Variants in SLC16A9 observed in about 807,000 individuals in gnomAD.
SLC16A9 encodes monocarboxylate transporter 9.
In SLC16A9, 26 loss-of-function variants were observed where a neutral mutation model predicts 44.3. The ratio of observed to expected loss-of-function variants is 0.59; its 90% CI spans 0.43 to 0.81. The LOEUF (loss-of-function observed/expected upper bound fraction) is 0.81. Ranked by LOEUF, SLC16A9 falls within the 40% of genes least tolerant of loss-of-function variation. SLC16A9 has a pLI of 0.00. For missense variants in SLC16A9, 559 were observed against 595.8 expected (o/e 0.94, Z 0.64); for synonymous variants, 230 against 225.1 (o/e 1.02, Z -0.19).
At chr10:59,706,089 A>C (rs910111498) in intron 1 of SLC16A9, among the ~76,000 whole-genome samples, 5 of 152,100 alleles carry the variant, frequency 3.3e-5, no homozygotes, top group African/African-American at 1.2e-4. Context: ...CACCCACCCC[A>C]CAACTTTTCT....
At chr10:59,666,818 C>T (rs1353196840) in intron 3 of SLC16A9, among the ~76,000 whole-genome samples, 1 of 149,102 alleles carries the variant, frequency 6.7e-6, no homozygotes, top group African/African-American at 2.5e-5. Context: ...TGAACCAACG[C>T]TGGGAAACAA....
At chr10:59,663,143 T>C (rs1336820349) in intron 4 of SLC16A9, among the ~76,000 whole-genome samples, 1 of 152,108 alleles carries the variant, frequency 6.6e-6, no homozygotes, top group Non-Finnish European at 1.5e-5. Context: ...GCAGATCATC[T>C]GAGGTTGGGA....
intron 4 of SLC16A9, among the ~76,000 whole-genome samples, chr10:59,657,733 G>A (rs1199471746): frequency 6.6e-6 from 1 of 152,150 alleles, no homozygotes; most frequent in East Asian, 1.9e-4. Context: ...GCTAACACTT[G>A]AGAGCCCCTG....
intron 1 of SLC16A9, among the ~76,000 whole-genome samples, chr10:59,703,646 T>C (rs1228171089): frequency 6.6e-6 from 1 of 152,186 alleles, no homozygotes; most frequent in Non-Finnish European, 1.5e-5. Flanking sequence ...TCTGGTCTCT[T>C]AATGTGTTTC....
chr10:59,704,215 A>G (rs1217167926), intron 1 of SLC16A9, among the ~76,000 whole-genome samples: 1 of 152,158 alleles, frequency 6.6e-6, no homozygotes, highest in Admixed American at 6.5e-5. Context: ...TATCTCCCTG[A>G]CGCAGGACTA....
intron 4 of SLC16A9, among the ~76,000 whole-genome samples, chr10:59,658,036 T>C (rs561375306): frequency 7.9e-5 from 12 of 152,336 alleles, no homozygotes; most frequent in Admixed American, 4.6e-4. Flanking sequence ...TCTTTAAGTC[T>C]GATAAGAAAT....
intron 4 of SLC16A9, 40 bp from the exon 5 acceptor site, chr10:59,654,629 G>A: frequency 6.8e-7 from 1 of 1,464,762 alleles, no homozygotes; most frequent in South Asian, 1.5e-5. Flanking sequence ...CGTAATCTGA[G>A]GCTCTCAGGA....
chr10:59,653,191 G>A (rs1447883703), intron 5 of SLC16A9, among the ~76,000 whole-genome samples: 4 of 151,628 alleles, frequency 2.6e-5, no homozygotes, highest in African/African-American at 9.7e-5. Context: ...AGGCCGAGGC[G>A]GGCGGATCAC....
At chr10:59,697,750 T>A (rs1211761450) in intron 1 of SLC16A9, among the ~76,000 whole-genome samples, 6 of 139,836 alleles carry the variant, frequency 4.3e-5, no homozygotes, top group East Asian at 1.9e-4. Flanking sequence ...AAATAAAAAA[T>A]AAATAAATAA....
rs778151683 is a variant in SLC16A9, at chr10:59,654,021, G to A, written c.1005C>T (p.Asn335=). The A allele has an allele frequency of 6.2e-6, 10 of 1,613,870 alleles. No individual in the cohort carries two copies. Among genetic ancestry groups the A allele is most frequent in the Non-Finnish European group, 2.5e-6 (3 of 1,180,018 alleles). ...LLMEDVARSS[N]VKEEEFIMPL... ...GCATAATAAACTCTTCTTCTTTCACGTTTGAACTTCTTGCTACATCTTCCA... is the reference window on the plus strand; with the variant it reads ...GCATAATAAACTCTTCTTCTTTCACATTTGAACTTCTTGCTACATCTTCCA... Residue 335 remains asparagine, a synonymous_variant, in exon 5 of 6, where the codon AAC becomes AAT. Transcript: ENST00000395348.
chr10:59,683,391 G>A (rs1314873226), intron 2 of SLC16A9, among the ~76,000 whole-genome samples: 1 of 152,146 alleles, frequency 6.6e-6, no homozygotes, highest in Non-Finnish European at 1.5e-5. Flanking sequence ...AAAGATGACA[G>A]GAATCACTAT....
chr10:59,659,264 G>T (rs1017933098), intron 4 of SLC16A9, among the ~76,000 whole-genome samples: 5 of 152,136 alleles, frequency 3.3e-5, no homozygotes, highest in Non-Finnish European at 7.4e-5. Context: ...GAGGTATTGA[G>T]AAACCAGTAC....
intron 1 of SLC16A9, among the ~76,000 whole-genome samples, chr10:59,695,710 G>C (rs1467596618): frequency 6.6e-6 from 1 of 152,138 alleles, no homozygotes; most frequent in African/African-American, 2.4e-5. Flanking sequence ...TCAAACAAAG[G>C]AGCAACAGAG....
At chr10:59,698,739 T>C (rs570381457) in intron 1 of SLC16A9, among the ~76,000 whole-genome samples, 1 of 151,746 alleles carries the variant, frequency 6.6e-6, no homozygotes, top group Non-Finnish European at 1.5e-5. Flanking sequence ...TCTCTTTTTT[T>C]TTTTTTCTTT....
Position 59,707,841 on chromosome 10 carries a change from C to A in SLC16A9, c.-37+1638G>T, listed in dbSNP as rs1038630166. Among the ~76,000 whole-genome samples the A allele has an allele frequency of 6.6e-5, 10 of 152,184 alleles. 1 individual carries two copies. The East Asian group carries it at 1.7e-3, about 26-fold the overall frequency. On this transcript the variant is annotated intron_variant, in intron 1 of 5. Transcript: ENST00000395348. ...GCATGGCCAGATCCACCCCAGACCA[C>A]CATAATGTGTCCTGATAAAGATTCA...
At chr10:59,653,441 A>AAAAAAAAAAAAAAAAAAAAAAC (rs1564693235) in intron 5 of SLC16A9, among the ~76,000 whole-genome samples, 1 of 147,808 alleles carries the variant, frequency 6.8e-6, no homozygotes, top group Non-Finnish European at 1.5e-5. Context: ...AAAAAAAAAA[A>AAAAAAAAAAAAAAAAAAAAAAC]AAAAGCAGGC....
intron 1 of SLC16A9, among the ~76,000 whole-genome samples, chr10:59,693,134 G>A (rs566584153): frequency 5.3e-5 from 8 of 152,294 alleles, no homozygotes; most frequent in Admixed American, 3.3e-4. Context: ...TGCATCTGCG[G>A]TCATCAGCTG....
chr10:59,694,349 T>C (rs1446795493), intron 1 of SLC16A9, among the ~76,000 whole-genome samples: 1 of 152,150 alleles, frequency 6.6e-6, no homozygotes, highest in Non-Finnish European at 1.5e-5. Flanking sequence ...ACTACTAGCA[T>C]ACTAAATATT....
chr10:59,697,993 A>G (rs1322561280), intron 1 of SLC16A9, among the ~76,000 whole-genome samples: 2 of 151,068 alleles, frequency 1.3e-5, no homozygotes. Context: ...AAACAAAACA[A>G]AAAACCCTCA....
Sources: gnomAD v4.1 joint callset for allele counts (sites outside exome capture counted in the v4.1 genomes callset) on GRCh38, gnomAD v4.1.1 for gene constraint, MANE v1.5 for transcripts, NCBI Gene and HGNC (gene_info 2026-07-23, HGNC 2026-07-21) for gene names.